Variants in JAK1 observed in about 807,000 individuals in gnomAD.
The protein encoded by JAK1 is Janus kinase 1.
JAK1 carries 16 observed loss-of-function variants against 136.6 expected under a neutral mutation model. The ratio of observed to expected loss-of-function variants is 0.12; its 90% CI spans 0.08 to 0.18. The LOEUF is 0.18. JAK1 is among the 10% of genes least tolerant of loss of function. The pLI is 1.00. For missense variants in JAK1, 859 were observed against 1,450.1 expected, an observed-to-expected ratio of 0.59 and a Z score of 6.62; for synonymous variants, 492 against 519.5, an observed-to-expected ratio of 0.95 and a Z score of 0.72.
chr1:64,843,877 AG>A (rs1218059323), intron 17 of JAK1, among the ~76,000 whole-genome samples, 186 bp downstream of exon 17: 4 of 152,164 alleles, frequency 2.6e-5, no homozygotes, highest in African/African-American at 9.7e-5. Context: ...CCCATTTTAT[AG>A]ATGATGAAAC....
At chr1:64,909,657 C>CAAA (rs34061898) in intron 1 of JAK1, among the ~76,000 whole-genome samples, 3 of 139,006 alleles carry the variant, frequency 2.2e-5, no homozygotes, top group South Asian at 2.3e-4. Context: ...CCCCTCTCTC[C>CAAA]AAAAAAAAAA....
intron 13 of JAK1, among the ~76,000 whole-genome samples, chr1:64,847,183 G>A (rs1557629454): frequency 6.6e-6 from 1 of 152,156 alleles, no homozygotes; most frequent in Non-Finnish European, 1.5e-5. Flanking sequence ...CTGGGCTTTC[G>A]TTTTCCAGAC....
intron 2 of JAK1, among the ~76,000 whole-genome samples, chr1:64,884,615 C>T (rs1644825211): frequency 6.6e-6 from 1 of 152,170 alleles, no homozygotes; most frequent in South Asian, 2.1e-4. Flanking sequence ...TTACTGTATC[C>T]TCCCCTACCC....
At chr1:65,002,780 T>A (rs903393706) in intron 2 of JAK1, among the ~76,000 whole-genome samples, 3 of 152,198 alleles carry the variant, frequency 2.0e-5, no homozygotes, top group Admixed American at 1.3e-4. Context: ...CCACGATCGA[T>A]GTGGCCAGTC....
chr1:64,842,999 TCTC>T (rs1180546470), intron 17 of JAK1, among the ~76,000 whole-genome samples: 3 of 152,172 alleles, frequency 2.0e-5, no homozygotes, highest in African/African-American at 7.2e-5. Context: ...CCTCCAGGTC[TCTC>T]CTCTGTCCAT....
At position 64,834,467 on chromosome 1, in the gene JAK1, A is replaced by ACTT; in HGVS notation, c.*92_*94dup. 1 of 829,630 alleles carries ACTT rather than the reference A, an allele frequency of 1.2e-6. No homozygotes were observed. Among genetic ancestry groups the ACTT allele is most frequent in the Non-Finnish European group, 2.0e-6 (1 of 499,516 alleles). The allele number at this position is 829,630 out of a possible 1,614,324, so 51.4% of individuals were successfully genotyped here. On this transcript the variant is annotated 3_prime_UTR_variant, in exon 25 of 25. Coordinates refer to ENST00000342505, the MANE Select transcript of JAK1 (RefSeq NM_002227.4). ...CAGTGACTTTTTGGACAGAACACAAACTTCTTTCATTAGAAATTTTTAAAA... is the reference window on the plus strand; with the variant it reads ...CAGTGACTTTTTGGACAGAACACAAACTTCTTCTTTCATTAGAAATTTTTAAAA...
rs755406627 is a variant in JAK1 at position 64,850,830 on chromosome 1, G to A, written c.1729C>T (p.Arg577Trp). 3 of 1,613,880 alleles carry A rather than the reference G, an allele frequency of 1.9e-6. No individual in the cohort carries two copies. Among genetic ancestry groups the A allele is most frequent in the Non-Finnish European group, 1.7e-6 (2 of 1,179,882 alleles). Reference protein sequence around the residue: ...VYPMSQLSFDRILKKDLVQGE... With the variant: ...VYPMSQLSFDWILKKDLVQGE... Reference sequence around the variant, plus strand: ...TGCACCAGATCCTTCTTGAGGATCCGATCGAAACTCAGCTGGCTCATGGGG... The same window carrying A: ...TGCACCAGATCCTTCTTGAGGATCCAATCGAAACTCAGCTGGCTCATGGGG... Residue 577 changes from arginine (R) to tryptophan (W), a missense_variant, in exon 12 of 25, where the codon CGG (arginine) becomes TGG (tryptophan). Arg to Trp is a moderately radical substitution (Grantham distance 101). This residue lies in a region of JAK1 where 409 missense variants were observed against 753.8 expected (regional missense o/e 0.54). Coordinates refer to ENST00000342505, the MANE Select transcript of JAK1 (RefSeq NM_002227.4).
intron 1 of JAK1, among the ~76,000 whole-genome samples, chr1:65,063,959 A>G (rs1445525025): frequency 6.6e-6 from 1 of 152,218 alleles, no homozygotes; most frequent in East Asian, 1.9e-4. Flanking sequence ...AACAGGTGGA[A>G]TTAATAGCAT....
chr1:65,038,954 GTGTGTGTGTT>G (rs978853839), intron 2 of JAK1, among the ~76,000 whole-genome samples: 8 of 151,746 alleles, frequency 5.3e-5, no homozygotes, highest in Non-Finnish European at 1.0e-4. Flanking sequence ...GTGTGTGTGT[GTGTGTGTGTT>G]TGTGTGTGTT....
At position 64,841,339 on chromosome 1, in the gene JAK1, T is replaced by C; in HGVS notation, c.2555A>G (p.Asn852Ser). ...TTTTTTTTCTGAAACAATATCTGGA[T>C]CTAACAGAAGAGAAAAGAAAACAGA... ...MRDINKLEEQ[N>S]PDIVSEKKPA... is the part of the protein sequence containing the mutation. Residue 852 changes from asparagine to serine, a missense_variant and splice_region_variant, in exon 19 of 25, where the codon AAT (asparagine) becomes AGT (serine). By Grantham distance (46) the Asn-to-Ser change is conservative. Transcript: ENST00000342505. The C allele has an allele frequency of 1.2e-6, 2 of 1,613,560 alleles. No homozygotes were observed. Among genetic ancestry groups the C allele is most frequent in the Middle Eastern group, 1.7e-4 (1 of 6,060 alleles).
chr1:65,003,856 T>C (rs1426061226), intron 2 of JAK1: 1 of 152,258 alleles, frequency 6.6e-6, no homozygotes, highest in Non-Finnish European at 1.5e-5. Flanking sequence ...ATGCAATCCA[T>C]GCACTCAAAT....
At position 64,834,114 on chromosome 1, in the gene JAK1, C is replaced by CCAT. The variant is rs1297279362; in HGVS notation, c.*445_*447dup. On this transcript the variant is annotated 3_prime_UTR_variant, in exon 25 of 25. Coordinates refer to ENST00000342505, the MANE Select transcript of JAK1 (RefSeq NM_002227.4). Reference sequence around the variant, plus strand: ...AGATACTGAAATTTGAGGGCTAAGTCCATCAATCTTTCTTTATCTATGATT... The same window carrying CCAT: ...AGATACTGAAATTTGAGGGCTAAGTCCATCATCAATCTTTCTTTATCTATGATT... 4.1e-6 allele frequency: 1 copy of CCAT among 245,868 alleles called. No individual in the cohort carries two copies. The highest frequency in any genetic ancestry group is 2.2e-5 in the African/African-American group (1 of 45,500). 15.2% of individuals were successfully genotyped at this position (245,868 alleles called of 1,614,324 possible).
intron 3 of JAK1, among the ~76,000 whole-genome samples, chr1:64,879,936 A>T (rs1355373037): frequency 6.6e-6 from 1 of 152,202 alleles, no homozygotes; most frequent in Non-Finnish European, 1.5e-5. Context: ...CCTGAAACAT[A>T]GGCAGGTTGG....
chr1:64,949,051 G>C (rs1646036624), intron 1 of JAK1, among the ~76,000 whole-genome samples: 1 of 152,196 alleles, frequency 6.6e-6, no homozygotes, highest in Non-Finnish European at 1.5e-5. Context: ...TGGAAGGAAA[G>C]GAAGGCTGTG....
At chr1:64,910,449 A>G (rs1217311179) in intron 1 of JAK1, among the ~76,000 whole-genome samples, 1 of 152,248 alleles carries the variant, frequency 6.6e-6, no homozygotes, top group African/African-American at 2.4e-5. Flanking sequence ...TAGTTCTTAA[A>G]TTTCTCCGGG....
At chr1:64,956,749 A>G (rs973417732) in intron 1 of JAK1, among the ~76,000 whole-genome samples, 2 of 152,238 alleles carry the variant, frequency 1.3e-5, no homozygotes, top group Non-Finnish European at 2.9e-5. Context: ...GAGAGGAAGG[A>G]AAATAAATAA....
At chr1:64,964,511 A>T (rs1407850866) in intron 1 of JAK1, among the ~76,000 whole-genome samples, 1 of 152,238 alleles carries the variant, frequency 6.6e-6, no homozygotes, top group African/African-American at 2.4e-5. Flanking sequence ...TATTTTAGGA[A>T]ATGTTTGAAT....
chr1:65,065,128 T>C (rs966546407), intron 1 of JAK1, among the ~76,000 whole-genome samples: 5 of 152,134 alleles, frequency 3.3e-5, no homozygotes, highest in African/African-American at 1.2e-4. Context: ...ATTCCTAAGG[T>C]AGTTCTATTT....
At chr1:64,849,055 C>T (rs935444984) in intron 12 of JAK1, among the ~76,000 whole-genome samples, 4 of 152,112 alleles carry the variant, frequency 2.6e-5, no homozygotes, top group South Asian at 2.1e-4. Flanking sequence ...TTGCTCTTCC[C>T]GTGGCCAAGT....
Sources: gnomAD v4.1 joint callset for allele counts (sites outside exome capture counted in the v4.1 genomes callset) on GRCh38, gnomAD v4.1.1 for gene constraint, gnomAD v4.1.1 regional missense constraint, MANE v1.5 for transcripts, NCBI Gene and HGNC (gene_info 2026-07-23, HGNC 2026-07-21) for gene names.